Variants in SGIP1 observed in about 807,000 individuals in gnomAD.
SGIP1 encodes SH3-containing GRB2-like protein 3-interacting protein 1.
In SGIP1, 38 loss-of-function variants were observed where a neutral mutation model predicts 107.5. That is an observed-to-expected ratio of 0.35 (90% CI 0.27 to 0.46). The LOEUF is 0.46. Among genes scored for constraint, SGIP1 ranks in the 20% least tolerant of loss-of-function variants. The probability of loss-of-function intolerance (pLI) is 1.00; values close to 1 mark genes in which losing one functional copy is unlikely to be tolerated. For missense variants in SGIP1, 929 were observed against 1,019.5 expected (o/e 0.91, Z 1.21); for synonymous variants, 365 against 366.1 (o/e 1.00, Z 0.03).
In SGIP1 at chr1:66,643,782, T is replaced by C. The variant is rs546035053; in HGVS notation, c.459+63T>C. 2.8e-5 allele frequency: 40 copies of C among 1,441,980 alleles called. No individual in the cohort carries two copies. In the South Asian group the frequency reaches 5.8e-4, roughly 21 times the overall value. 89.3% of individuals were successfully genotyped at this position (1,441,980 alleles called of 1,614,324 possible). A position where few individuals can be genotyped will look rare whatever the true frequency, so the allele number is the denominator to read the frequency against. On this transcript the variant is annotated intron_variant, in intron 7 of 24. Coordinates refer to ENST00000371037, the MANE Select transcript of SGIP1 (RefSeq NM_032291.4). ...ATTGAACAGGGCTATGTTCTGCCTA[T>C]ATGCATTAAGTCAATCAGAAACTCC...
At chr1:66,671,069 C>G (rs1218007351) in intron 10 of SGIP1, 50 bp downstream of exon 10, 4 of 984,244 alleles carry the variant, frequency 4.1e-6, no homozygotes, top group South Asian at 1.8e-5. Flanking sequence ...AAAGAAAGAA[C>G]AGTTCCTTGG....
chr1:66,719,225 C>A (rs541458697), intron 18 of SGIP1, 69 bp from the exon 19 acceptor site: 1 of 1,017,998 alleles, frequency 9.8e-7, no homozygotes. Flanking sequence ...CTTTAATGGG[C>A]TTTTAATTTC....
At chr1:66,695,549 C>A (rs982378120) in intron 18 of SGIP1, 56 bp downstream of exon 18, 4 of 1,548,816 alleles carry the variant, frequency 2.6e-6, no homozygotes, top group Non-Finnish European at 3.5e-6. Context: ...ATCCTTATTT[C>A]CCCATTTGCA....
intron 22 of SGIP1, among the ~76,000 whole-genome samples, chr1:66,739,975 A>G (rs2094394494): frequency 6.6e-6 from 1 of 152,230 alleles, no homozygotes; most frequent in African/African-American, 2.4e-5. Context: ...GAAGATCCCC[A>G]CATCTGAGTT....
chr1:66,544,283 A>G (rs1282562676), intron 1 of SGIP1, among the ~76,000 whole-genome samples: 1 of 152,164 alleles, frequency 6.6e-6, no homozygotes, highest in African/African-American at 2.4e-5. Flanking sequence ...CTATCTCAAC[A>G]TCATATTCCA....
chr1:66,727,982 G>A (rs1338180535), intron 19 of SGIP1, among the ~76,000 whole-genome samples: 2 of 152,022 alleles, frequency 1.3e-5, no homozygotes, highest in East Asian at 3.9e-4. Flanking sequence ...ATAATCTCAT[G>A]GAGTTTTACA....
intron 1 of SGIP1, among the ~76,000 whole-genome samples, chr1:66,583,059 T>C (rs943250824): frequency 6.6e-6 from 1 of 152,096 alleles, no homozygotes; most frequent in Non-Finnish European, 1.5e-5. Context: ...TTGACATCAA[T>C]TGATTGATAA....
chr1:66,744,331 G>A lies in SGIP1; in HGVS notation c.*1236G>A, dbSNP rs1321783416. 3.9e-5 allele frequency: 6 copies of A among 152,064 alleles called. No homozygotes were observed. Among genetic ancestry groups the A allele is most frequent in the East Asian group, 3.8e-4 (2 of 5,202 alleles). 9.4% of individuals were successfully genotyped at this position (152,064 alleles called of 1,614,324 possible). A position where few individuals can be genotyped will look rare whatever the true frequency, so the allele number is the denominator to read the frequency against. On this transcript the variant is annotated 3_prime_UTR_variant, in exon 25 of 25. Coordinates refer to ENST00000371037, the MANE Select transcript of SGIP1 (RefSeq NM_032291.4). The stretch of plus-strand genomic sequence containing the variant: ...AGGAGAGTTATCAAAAATGTATGTC[G>A]TTTCATCGTTGCAAGGTATAATAAA...
chr1:66,535,469 G>A (rs2053385804), intron 1 of SGIP1, among the ~76,000 whole-genome samples: 1 of 152,218 alleles, frequency 6.6e-6, no homozygotes, highest in Non-Finnish European at 1.5e-5. Flanking sequence ...TGGAATAAGA[G>A]GAGGAAGGTT....
At chr1:66,612,802 G>A (rs1282069103) in intron 1 of SGIP1, among the ~76,000 whole-genome samples, 1 of 152,074 alleles carries the variant, frequency 6.6e-6, no homozygotes, top group Non-Finnish European at 1.5e-5. Flanking sequence ...GAATTACGGA[G>A]GTTTAAAAAG....
intron 2 of SGIP1, among the ~76,000 whole-genome samples, chr1:66,627,007 T>G (rs781332838): frequency 5.9e-5 from 9 of 152,214 alleles, no homozygotes; most frequent in Non-Finnish European, 1.0e-4. Flanking sequence ...TAAGAATTTA[T>G]GATTCATGAG....
intron 1 of SGIP1, among the ~76,000 whole-genome samples, chr1:66,613,441 C>A (rs1355295154): frequency 1.2e-4 from 18 of 152,156 alleles, no homozygotes; most frequent in Admixed American, 1.2e-3. Context: ...GGAATACTCC[C>A]ACCTCAGCCT....
intron 1 of SGIP1, among the ~76,000 whole-genome samples, chr1:66,565,759 C>G (rs1369949125): frequency 6.6e-6 from 1 of 151,984 alleles, no homozygotes; most frequent in Non-Finnish European, 1.5e-5. Flanking sequence ...ATTCAACACA[C>G]TTTTGTTCAC....
intron 13 of SGIP1, 36 bp from the exon 14 acceptor site, chr1:66,679,642 A>G: frequency 6.3e-7 from 1 of 1,590,634 alleles, no homozygotes; most frequent in African/African-American, 1.4e-5. Flanking sequence ...TAGGAAGCAC[A>G]TGACCAATGA....
intron 18 of SGIP1, among the ~76,000 whole-genome samples, chr1:66,711,580 C>T (rs944649832): frequency 6.6e-6 from 1 of 152,158 alleles, no homozygotes; most frequent in Non-Finnish European, 1.5e-5. Flanking sequence ...CATACATCTT[C>T]TGGAGCGTCG....
At chr1:66,610,076 T>C (rs920815692) in intron 1 of SGIP1, among the ~76,000 whole-genome samples, 1 of 152,204 alleles carries the variant, frequency 6.6e-6, no homozygotes, top group Non-Finnish European at 1.5e-5. Flanking sequence ...TTAGCGTCAC[T>C]GGAAATGTGA....
At chr1:66,665,540 T>C (rs149020940) in intron 8 of SGIP1, among the ~76,000 whole-genome samples, 21,317 of 152,186 alleles carry the variant, frequency 0.14, 2,312 homozygotes, top group East Asian at 0.52. Flanking sequence ...CCTTGAGGAA[T>C]CGCCACACTG....
intron 24 of SGIP1, 69 bp downstream of exon 24, chr1:66,741,505 G>T (rs2094445031): frequency 1.4e-6 from 2 of 1,401,448 alleles, no homozygotes. Context: ...AGAGGAATAG[G>T]TTGTGATTTT....
chr1:66,694,525 T>A (rs773182949), intron 17 of SGIP1: 2 of 1,564,530 alleles, frequency 1.3e-6, no homozygotes, highest in South Asian at 2.4e-5. Flanking sequence ...AGCCAAGTGA[T>A]CTCTAGAGAC....
Sources: gnomAD v4.1 joint callset for allele counts (sites outside exome capture counted in the v4.1 genomes callset) on GRCh38, gnomAD v4.1.1 for gene constraint, MANE v1.5 for transcripts, NCBI Gene and HGNC (gene_info 2026-07-23, HGNC 2026-07-21) for gene names.